CTNND2: variants seen among roughly 807,000 people sequenced by gnomAD.
The protein encoded by CTNND2 is catenin delta-2.
In CTNND2, 22 loss-of-function variants were observed where a neutral mutation model predicts 144.4. The ratio of observed to expected loss-of-function variants is 0.15; its 90% CI spans 0.11 to 0.22. The LOEUF (loss-of-function observed/expected upper bound fraction) is 0.22. CTNND2 is among the 10% of genes least tolerant of loss of function. CTNND2 has a pLI of 1.00. For missense variants in CTNND2, 1,353 were observed against 1,618.8 expected, an observed-to-expected ratio of 0.84 and a Z score of 2.82; for synonymous variants, 751 against 695.6, an observed-to-expected ratio of 1.08 and a Z score of -1.25.
At chr5:11,320,152 C>G (rs1751891831) in intron 9 of CTNND2, among the ~76,000 whole-genome samples, 1 of 152,204 alleles carries the variant, frequency 6.6e-6, no homozygotes, top group Non-Finnish European at 1.5e-5. Flanking sequence ...ACTTACAACA[C>G]AGGTAAATAT....
intron 1 of CTNND2, among the ~76,000 whole-genome samples, chr5:11,753,844 T>C (rs1219200390): frequency 6.6e-6 from 1 of 151,728 alleles, no homozygotes; most frequent in Non-Finnish European, 1.5e-5. Flanking sequence ...GATTCAATTT[T>C]GGAACTCATT....
At chr5:11,539,344 G>T (rs1774509182) in intron 3 of CTNND2, among the ~76,000 whole-genome samples, 1 of 152,124 alleles carries the variant, frequency 6.6e-6, no homozygotes, top group African/African-American at 2.4e-5. Flanking sequence ...CATCTCCAAG[G>T]CCCAGGGCCC....
chr5:11,798,131 A>T (rs1214396396), intron 1 of CTNND2, among the ~76,000 whole-genome samples: 1 of 151,894 alleles, frequency 6.6e-6, no homozygotes, highest in Non-Finnish European at 1.5e-5. Flanking sequence ...TCGTGGTGGT[A>T]CATGCCTGTA....
intron 9 of CTNND2, among the ~76,000 whole-genome samples, chr5:11,315,521 T>C (rs1751388315): frequency 6.6e-6 from 1 of 152,236 alleles, no homozygotes; most frequent in South Asian, 2.1e-4. Context: ...AATGATGTCA[T>C]TTAATTTAAG....
chr5:11,690,016 T>C (rs1036840265), intron 2 of CTNND2, among the ~76,000 whole-genome samples: 1 of 152,214 alleles, frequency 6.6e-6, no homozygotes, highest in Admixed American at 6.5e-5. Context: ...TCAGGGGAAA[T>C]CTATCTTGTT....
chr5:11,409,258 T>C (rs1317986251), intron 5 of CTNND2, among the ~76,000 whole-genome samples: 2 of 152,042 alleles, frequency 1.3e-5, no homozygotes, highest in African/African-American at 2.4e-5. Flanking sequence ...ACTTTTAGTG[T>C]TGGTAGATTT....
intron 18 of CTNND2, among the ~76,000 whole-genome samples, chr5:11,003,943 T>A (rs867481897): frequency 5.9e-5 from 9 of 152,230 alleles, no homozygotes; most frequent in Admixed American, 5.9e-4. Flanking sequence ...TGCAACACCA[T>A]CTTTTAAAAG....
At chr5:11,823,847 C>G (rs532983883) in intron 1 of CTNND2, among the ~76,000 whole-genome samples, 9 of 152,078 alleles carry the variant, frequency 5.9e-5, no homozygotes, top group Non-Finnish European at 1.0e-4. Flanking sequence ...GTGGCTCACA[C>G]CTATAATCCC....
intron 3 of CTNND2, among the ~76,000 whole-genome samples, chr5:11,509,862 G>A (rs79215055): frequency 0.013 from 2,039 of 152,226 alleles, 18 homozygotes; most frequent in Non-Finnish European, 0.019. Context: ...CACAAAGGCA[G>A]AAATGCTTAC....
Position 11,462,479 on chromosome 5 carries a change from G to A in CTNND2, c.288-50410C>T, listed in dbSNP as rs61758949. On this transcript the variant is annotated intron_variant, in intron 3 of 21. Coordinates refer to ENST00000304623, the MANE Select transcript of CTNND2 (RefSeq NM_001332.4). ...CTGTTGTGGCAGCAGAGAGGAGTCC[G>A]ATAGTGTCATTAGTGGCCTCAGGCT... Among the ~76,000 whole-genome samples the A allele has an allele frequency of 3.4e-3, 514 of 152,180 alleles. 1 individual carries two copies. The highest frequency in any genetic ancestry group is 5.4e-3 in the Non-Finnish European group (366 of 68,018).
chr5:11,799,871 G>A (rs1791586048), intron 1 of CTNND2, among the ~76,000 whole-genome samples: 1 of 152,048 alleles, frequency 6.6e-6, no homozygotes, highest in South Asian at 2.1e-4. Flanking sequence ...CACACAAAGA[G>A]GAATGCTAGA....
chr5:11,776,244 A>G (rs1478912956), intron 1 of CTNND2, among the ~76,000 whole-genome samples: 3 of 152,192 alleles, frequency 2.0e-5, no homozygotes, highest in East Asian at 1.9e-4. Context: ...AGAGGACTTC[A>G]GGCAGAAAAC....
At chr5:11,175,754 TA>T (rs1406484880) in intron 11 of CTNND2, among the ~76,000 whole-genome samples, 2 of 152,176 alleles carry the variant, frequency 1.3e-5, no homozygotes, top group Non-Finnish European at 2.9e-5. Context: ...TATGAATTCC[TA>T]AAACTTGGAT....
intron 1 of CTNND2, among the ~76,000 whole-genome samples, chr5:11,885,293 T>C (rs891163344): frequency 7.2e-5 from 11 of 152,170 alleles, no homozygotes; most frequent in Non-Finnish European, 5.9e-5. Flanking sequence ...TCCTGAACTC[T>C]TCTGTTTTGG....
intron 2 of CTNND2, among the ~76,000 whole-genome samples, chr5:11,726,384 T>C (rs1440173919): frequency 6.6e-6 from 1 of 152,016 alleles, no homozygotes; most frequent in African/African-American, 2.4e-5. Context: ...AAAATGAAAA[T>C]TTTGTACAGA....
intron 2 of CTNND2, among the ~76,000 whole-genome samples, chr5:11,696,200 G>A (rs949608887): frequency 2.6e-5 from 4 of 152,176 alleles, no homozygotes; most frequent in African/African-American, 9.7e-5. Context: ...GATAAACAAC[G>A]TATAAAGGCA....
At chr5:11,868,694 T>C (rs1795890142) in intron 1 of CTNND2, among the ~76,000 whole-genome samples, 1 of 152,090 alleles carries the variant, frequency 6.6e-6, no homozygotes, top group African/African-American at 2.4e-5. Flanking sequence ...TATTCATTAA[T>C]AGATTAATGA....
chr5:11,112,986 C>A (rs1753159200), intron 13 of CTNND2, among the ~76,000 whole-genome samples: 1 of 152,010 alleles, frequency 6.6e-6, no homozygotes, highest in South Asian at 2.1e-4. Context: ...ACTAAAAATT[C>A]AAAAATTAGC....
chr5:11,542,479 A>C (rs1435242788), intron 3 of CTNND2, among the ~76,000 whole-genome samples: 2 of 152,150 alleles, frequency 1.3e-5, no homozygotes, highest in African/African-American at 4.8e-5. Flanking sequence ...GTAATGCAAA[A>C]TGTTTTATTA....
Sources: gnomAD v4.1 joint callset for allele counts (sites outside exome capture counted in the v4.1 genomes callset) on GRCh38, gnomAD v4.1.1 for gene constraint, MANE v1.5 for transcripts, NCBI Gene and HGNC (gene_info 2026-07-23, HGNC 2026-07-21) for gene names.